Variants in TINAG observed in about 807,000 individuals in gnomAD.
TINAG encodes tubulointerstitial nephritis antigen.
A neutral mutation model predicts 72.7 loss-of-function variants in TINAG; 83 were observed. That is an observed-to-expected ratio of 1.14 (90% CI 0.96 to 1.37). The LOEUF is 1.37. Ranked by LOEUF, TINAG falls within the 40% of genes most tolerant of loss-of-function variation. The pLI, the probability that TINAG is intolerant of heterozygous loss-of-function variation, is 0.00. For synonymous variants in TINAG, 234 were observed against 189.9 expected, an observed-to-expected ratio of 1.23 and a Z score of -1.91; for missense variants, 685 against 576.6, an observed-to-expected ratio of 1.19 and a Z score of -1.93.
chr6:54,332,834 G>A (rs1758693767), intron 4 of TINAG, among the ~76,000 whole-genome samples: 1 of 152,202 alleles, frequency 6.6e-6, no homozygotes, highest in Non-Finnish European at 1.5e-5. Context: ...CTCAAAAGAA[G>A]ACATTTATGC....
chr6:54,335,479 G>C (rs1158509955), intron 4 of TINAG, among the ~76,000 whole-genome samples: 1 of 152,164 alleles, frequency 6.6e-6, no homozygotes, highest in Non-Finnish European at 1.5e-5. Context: ...TCAAGGAAAT[G>C]CATCTTATTT....
intron 4 of TINAG, among the ~76,000 whole-genome samples, chr6:54,335,993 G>A (rs1334449412): frequency 6.6e-6 from 1 of 151,976 alleles, no homozygotes; most frequent in Non-Finnish European, 1.5e-5. Context: ...CCCTGGATGG[G>A]AAAGATAAGC....
Position 54,326,936 on chromosome 6 carries a change from C to T in TINAG, c.624+20C>T. 1 of 1,612,978 alleles carries T rather than the reference C, an allele frequency of 6.2e-7. No individual in the cohort carries two copies. Among genetic ancestry groups the T allele is most frequent in the Non-Finnish European group, 8.5e-7 (1 of 1,179,730 alleles). On this transcript the variant is annotated intron_variant, in intron 4 of 10. Transcript: ENST00000259782. Reference sequence around the variant, plus strand: ...ATGACAGTAAGTGTTCCTTCTGATTCACGTATGTGCATGTATTTGTAAAAG... The same window carrying T: ...ATGACAGTAAGTGTTCCTTCTGATTTACGTATGTGCATGTATTTGTAAAAG...
intron 1 of TINAG, among the ~76,000 whole-genome samples, chr6:54,310,112 T>TGTGTGTGTGTGTG (rs1784206668): frequency 6.7e-6 from 1 of 149,974 alleles, no homozygotes; most frequent in Non-Finnish European, 1.5e-5. Flanking sequence ...TGTGTGAGTC[T>TGTGTGTGTGTGTG]TGCTCTGTCA....
chr6:54,343,371 C>T, intron 5 of TINAG, 22 bp downstream of exon 5: 1 of 1,493,832 alleles, frequency 6.7e-7, no homozygotes, highest in Non-Finnish European at 9.0e-7. Flanking sequence ...ATTTTAATTC[C>T]TTCCTTATAA....
At chr6:54,318,934 A>C (rs1371690599) in intron 1 of TINAG, among the ~76,000 whole-genome samples, 1 of 152,170 alleles carries the variant, frequency 6.6e-6, no homozygotes, top group Non-Finnish European at 1.5e-5. Context: ...ACATGAAATT[A>C]AGGAAGGATG....
Position 54,320,633 on chromosome 6 carries a change from GCAACTC to G in TINAG, c.412_417del (p.Asn138_Ser139del). The G allele has an allele frequency of 6.2e-7, 1 of 1,607,620 alleles. No individual in the cohort carries two copies. Among genetic ancestry groups the G allele is most frequent in the East Asian group, 2.2e-5 (1 of 44,704 alleles). On this transcript the variant is annotated inframe_deletion, in exon 2 of 11. Coordinates refer to ENST00000259782, the MANE Select transcript of TINAG (RefSeq NM_014464.4). ...GAGGGATCAGTAATTAAAGAAAACTGCAACTCCTGGTAATAAATTTAAGTGGCACAG... is the reference window on the plus strand; with the variant it reads ...GAGGGATCAGTAATTAAAGAAAACTGCTGGTAATAAATTTAAGTGGCACAG...
intron 3 of TINAG, among the ~76,000 whole-genome samples, chr6:54,322,645 CAA>C (rs1784519238): frequency 6.6e-6 from 1 of 152,138 alleles, no homozygotes; most frequent in Non-Finnish European, 1.5e-5. Context: ...TCAATGTATT[CAA>C]AGTTTTTTCT....
intron 9 of TINAG, among the ~76,000 whole-genome samples, chr6:54,379,647 G>A (rs1325926671): frequency 6.6e-6 from 1 of 152,048 alleles, no homozygotes; most frequent in Non-Finnish European, 1.5e-5. Context: ...GCCATTTAAG[G>A]TAGAGTGGTA....
chr6:54,382,745 T>C (rs1197515866), intron 10 of TINAG, among the ~76,000 whole-genome samples: 1 of 152,000 alleles, frequency 6.6e-6, no homozygotes, highest in Non-Finnish European at 1.5e-5. Context: ...TAAGAACCAA[T>C]AAAATTTGTC....
At chr6:54,335,991 G>T (rs557092242) in intron 4 of TINAG, among the ~76,000 whole-genome samples, 1 of 152,104 alleles carries the variant, frequency 6.6e-6, no homozygotes, top group Admixed American at 6.6e-5. Flanking sequence ...TTCCCTGGAT[G>T]GGAAAGATAA....
chr6:54,356,168 A>G (rs1396312259), intron 9 of TINAG, among the ~76,000 whole-genome samples: 1 of 151,892 alleles, frequency 6.6e-6, no homozygotes, highest in African/African-American at 2.4e-5. Flanking sequence ...AATTTTTAAA[A>G]AGTGTATCAT....
chr6:54,383,204 G>A (rs866302455), intron 10 of TINAG, among the ~76,000 whole-genome samples: 1 of 152,094 alleles, frequency 6.6e-6, no homozygotes, highest in African/African-American at 2.4e-5. Context: ...TTTGGGAGAA[G>A]TGAAAGAAAA....
At chr6:54,351,328 G>T in intron 7 of TINAG, 24 bp from the exon 8 acceptor site, 1 of 1,595,742 alleles carries the variant, frequency 6.3e-7, no homozygotes, top group South Asian at 1.1e-5. Flanking sequence ...CAATGATATT[G>T]CTTATTCATA....
At chr6:54,362,326 A>G (rs774293512) in intron 9 of TINAG, among the ~76,000 whole-genome samples, 13 of 151,628 alleles carry the variant, frequency 8.6e-5, no homozygotes, top group Non-Finnish European at 1.8e-4. Context: ...CTTATTTACC[A>G]TTCCAAAAAC....
chr6:54,333,626 A>AAAT (rs1784796083), intron 4 of TINAG, among the ~76,000 whole-genome samples: 1 of 150,442 alleles, frequency 6.6e-6, no homozygotes, highest in South Asian at 2.1e-4. Context: ...TAAAAAAAAA[A>AAAT]AAAATAAAAT....
chr6:54,343,437 G>A lies in TINAG; in HGVS notation c.748+88G>A, dbSNP rs548815720. On this transcript the variant is annotated intron_variant, in intron 5 of 10. Transcript: ENST00000259782. ...AATAATTGAACAATTTTAACAATTA[G>A]AATATTTAAATATTAGCATATGATC... 9.4e-5 allele frequency: 113 copies of A among 1,206,618 alleles called. 1 individual carries two copies. The South Asian group carries it at 2.9e-3, about 31-fold the overall frequency. 74.7% of individuals were successfully genotyped at this position (1,206,618 alleles called of 1,614,324 possible). A position where few individuals can be genotyped will look rare whatever the true frequency, so the allele number is the denominator to read the frequency against.
At chr6:54,362,788 C>T (rs1172865033) in intron 9 of TINAG, among the ~76,000 whole-genome samples, 1 of 151,312 alleles carries the variant, frequency 6.6e-6, no homozygotes, top group Non-Finnish European at 1.5e-5. Flanking sequence ...AGAAGTTCGA[C>T]ATATCAACAT....
At chr6:54,364,220 T>C (rs1763333664) in intron 9 of TINAG, among the ~76,000 whole-genome samples, 1 of 151,514 alleles carries the variant, frequency 6.6e-6, no homozygotes, top group Non-Finnish European at 1.5e-5. Context: ...CTCTTGTGTG[T>C]GCTTTCTGCA....
Sources: gnomAD v4.1 joint callset for allele counts (sites outside exome capture counted in the v4.1 genomes callset) on GRCh38, gnomAD v4.1.1 for gene constraint, MANE v1.5 for transcripts, NCBI Gene and HGNC (gene_info 2026-07-23, HGNC 2026-07-21) for gene names.